Variants in INTS12 observed in about 807,000 individuals in gnomAD.
INTS12 encodes the protein integrator complex subunit 12.
INTS12 carries 13 observed loss-of-function variants against 41.6 expected under a neutral mutation model. That is an observed-to-expected ratio of 0.31 (90% CI 0.20 to 0.50). INTS12 has a LOEUF of 0.50. Among genes scored for constraint, INTS12 ranks in the 20% least tolerant of loss-of-function variants. The pLI, the probability that INTS12 is intolerant of heterozygous loss-of-function variation, is 0.98. For synonymous variants in INTS12, 199 were observed against 191.4 expected, an observed-to-expected ratio of 1.04 and a Z score of -0.33; for missense variants, 432 against 541.6, an observed-to-expected ratio of 0.80 and a Z score of 2.01.
chr4:105,697,114 T>C lies in INTS12; in HGVS notation c.157-1446A>G, dbSNP rs562781327. ...GGGCACAAGGCCTTTATCAGATATA[T>C]GATTTGCAAATATTTTCTCTCAGTC... On this transcript the variant is annotated intron_variant, in intron 3 of 7. Coordinates refer to ENST00000340139, the MANE Select transcript of INTS12 (RefSeq NM_020395.4). 1.1e-4 allele frequency among the ~76,000 whole-genome samples: 16 copies of C among 152,376 alleles called. No individual in the cohort carries two copies. The South Asian group carries it at 3.3e-3, about 32-fold the overall frequency.
intron 6 of INTS12, among the ~76,000 whole-genome samples, chr4:105,690,356 GATTGA>G (rs2149180473): frequency 6.6e-6 from 1 of 152,312 alleles, no homozygotes; most frequent in African/African-American, 2.4e-5. Flanking sequence ...AAGCAAAGTG[GATTGA>G]TAGGAGGCAA....
Position 105,707,443 on chromosome 4 carries a change from A to C in INTS12, c.-172+1195T>G, listed in dbSNP as rs528747517. On this transcript the variant is annotated intron_variant, in intron 1 of 7. Transcript: ENST00000340139. ...TGCAAAGTACAACAAAATAATGGCT[A>C]TAGAATTACTGGAATTAAGTGATCA... Among the ~76,000 whole-genome samples, 12 of 152,154 alleles carry C rather than the reference A, an allele frequency of 7.9e-5. No homozygotes were observed. In the South Asian group the frequency reaches 2.3e-3, roughly 29 times the overall value.
At chr4:105,702,210 A>G (rs1443655733) in intron 2 of INTS12, among the ~76,000 whole-genome samples, 2 of 132,220 alleles carry the variant, frequency 1.5e-5, no homozygotes, top group Non-Finnish European at 3.0e-5. Flanking sequence ...ATCTCGGCTC[A>G]TGGCAAGCTC....
In INTS12 at chr4:105,693,366, A is replaced by G; in HGVS notation, c.430T>C (p.Ser144Pro). 1.2e-6 allele frequency: 2 copies of G among 1,613,942 alleles called. No homozygotes were observed. Among genetic ancestry groups the G allele is most frequent in the Non-Finnish European group, 1.7e-6 (2 of 1,179,858 alleles). Residue 144 changes from serine (S) to proline (P), a missense_variant, in exon 5 of 8, where the codon TCC becomes CCC. Coordinates refer to ENST00000340139, the MANE Select transcript of INTS12 (RefSeq NM_020395.4). Reference sequence around the variant, plus strand: ...TCAGCACTGGTCTCCTCAAAACTGGAAAGGTCAGCCATAGGTAAATCCTTG... The same window carrying G: ...TCAGCACTGGTCTCCTCAAAACTGGGAAGGTCAGCCATAGGTAAATCCTTG... ...SSKDLPMADL[S>P]SFEETSADDF...
chr4:105,692,674 G>T lies in INTS12; in HGVS notation c.498-539C>A, dbSNP rs1392306248. On this transcript the variant is annotated intron_variant, in intron 5 of 7. Coordinates refer to ENST00000340139, the MANE Select transcript of INTS12 (RefSeq NM_020395.4). ...TATATAGAATGCCTTAATTAAATTTGGCTATTTTCTCGTCATTTCTCGTCA... is the reference window on the plus strand; with the variant it reads ...TATATAGAATGCCTTAATTAAATTTTGCTATTTTCTCGTCATTTCTCGTCA... 2.0e-5 allele frequency among the ~76,000 whole-genome samples: 3 copies of T among 151,910 alleles called. No homozygotes were observed. In the East Asian group the frequency reaches 5.8e-4, roughly 29 times the overall value.
chr4:105,693,383 A>G lies in INTS12; in HGVS notation c.413T>C (p.Leu138Ser). 6.2e-7 allele frequency: 1 copy of G among 1,614,120 alleles called. No homozygotes were observed. The highest frequency in any genetic ancestry group is 8.5e-7 in the Non-Finnish European group (1 of 1,179,964). The change falls in exon 5 of 8, where the codon TTA becomes TCA. Residue 138 changes from leucine (L) to serine (S), a missense_variant. Around this residue, in one of 3 missense-constraint regions of INTS12, gnomAD observed 168 missense variants for 198.9 expected, o/e 0.84. Transcript: ENST00000340139. Reference sequence around the variant, plus strand: ...AAAACTGGAAAGGTCAGCCATAGGTAAATCCTTGCTACTTTGGACAGTAAT... The same window carrying G: ...AAAACTGGAAAGGTCAGCCATAGGTGAATCCTTGCTACTTTGGACAGTAAT... ...SPITVQSSKD[L>S]PMADLSSFEE...
intron 6 of INTS12, among the ~76,000 whole-genome samples, chr4:105,691,110 G>A (rs563787636): frequency 2.0e-5 from 3 of 152,184 alleles, no homozygotes; most frequent in South Asian, 2.1e-4. Flanking sequence ...TGGGTATCCC[G>A]AGTTTTTACT....
chr4:105,707,948 A>G, intron 1 of INTS12: 1 of 985,374 alleles, frequency 1.0e-6, no homozygotes, highest in Non-Finnish European at 1.2e-6. Context: ...TCCAAAGTTG[A>G]TCATATGCAC....
intron 2 of INTS12, chr4:105,702,802 C>T (rs1324078077): frequency 1.2e-6 from 1 of 814,858 alleles, no homozygotes; most frequent in African/African-American, 1.9e-5. Context: ...TGTTTCCTCA[C>T]CAAACAGAAA....
At position 105,708,664 on chromosome 4, in the gene INTS12, C is replaced by G. The variant is rs769947222; in HGVS notation, c.-198G>C. ...GTTCCGCCCCGCCCTGCCGATCCGT[C>G]TGTTCCCGGTGGTCCCTTCGGAAAC... On this transcript the variant is annotated 5_prime_UTR_variant, in exon 1 of 8. Transcript: ENST00000340139. The G allele has an allele frequency of 1.1e-6, 1 of 944,150 alleles. No individual in the cohort carries two copies. The highest frequency in any genetic ancestry group is 1.2e-4 in the East Asian group (1 of 8,560). The allele number at this position is 944,150 out of a possible 1,614,324, so 58.5% of individuals were successfully genotyped here. A position where few individuals can be genotyped will look rare whatever the true frequency, so the allele number is the denominator to read the frequency against.
At chr4:105,692,690 T>C (rs1168157964) in intron 5 of INTS12, among the ~76,000 whole-genome samples, 1 of 152,138 alleles carries the variant, frequency 6.6e-6, no homozygotes, top group Non-Finnish European at 1.5e-5. Context: ...TTTCTCGTCA[T>C]TTCTCGTCAT....
At chr4:105,702,389 G>A (rs1449781456) in intron 2 of INTS12, among the ~76,000 whole-genome samples, 1 of 151,946 alleles carries the variant, frequency 6.6e-6, no homozygotes, top group Non-Finnish European at 1.5e-5. Context: ...ACCCGCCTCG[G>A]CCTCCCAAAG....
rs554175627 is a variant in INTS12, at chr4:105,683,293, A to T, written c.829T>A (p.Ser277Thr). Reference protein sequence around the residue: ...VKTSTVISGNSSSASVSSSVT... With the variant: ...VKTSTVISGNTSSASVSSSVT... ...GACGAGGAAACGCTGGCACTAGAAG[A>T]ATTTCCTGAAATAACTGTGGATGTC... The change falls in exon 8 of 8, where the codon TCT becomes ACT. Residue 277 changes from serine to threonine, a missense_variant. By Grantham distance (58) the Ser-to-Thr change is moderately conservative. Around this residue, in one of 3 missense-constraint regions of INTS12, gnomAD observed 258 missense variants for 309.9 expected, o/e 0.83. Transcript: ENST00000340139. The T allele has an allele frequency of 6.2e-7, 1 of 1,611,486 alleles. No individual in the cohort carries two copies. Among genetic ancestry groups the T allele is most frequent in the South Asian group, 1.1e-5 (1 of 90,802 alleles).
rs1349836916 is a variant in INTS12, at chr4:105,686,687, T to C, written c.804+5A>G. On this transcript the variant is annotated splice_donor_5th_base_variant and intron_variant, in intron 7 of 7. Transcript: ENST00000340139. ...AATCTTAGATAAAAATAGAATCTAC[T>C]ATACCTTGACTTCTGTTCTCTTAAA... 1.2e-6 allele frequency: 2 copies of C among 1,603,430 alleles called. No homozygotes were observed. The highest frequency in any genetic ancestry group is 8.5e-7 in the Non-Finnish European group (1 of 1,174,416).
chr4:105,692,776 T>C (rs948297501), intron 5 of INTS12, among the ~76,000 whole-genome samples: 1 of 152,184 alleles, frequency 6.6e-6, no homozygotes, highest in Admixed American at 6.5e-5. Context: ...TGTATCTCCA[T>C]TAAATTCCCT....
chr4:105,689,980 T>G (rs983013916), intron 6 of INTS12, among the ~76,000 whole-genome samples: 6 of 152,248 alleles, frequency 3.9e-5, no homozygotes, highest in Non-Finnish European at 8.8e-5. Flanking sequence ...TGTCCAGTCT[T>G]GAGCTCTGCT....
intron 6 of INTS12, among the ~76,000 whole-genome samples, chr4:105,689,914 A>G (rs1282145229): frequency 6.6e-6 from 1 of 152,174 alleles, no homozygotes; most frequent in Non-Finnish European, 1.5e-5. Flanking sequence ...TCAGAAAAAG[A>G]AAAAAATTAC....
intron 1 of INTS12, chr4:105,708,027 G>C: frequency 1.0e-6 from 1 of 985,338 alleles, no homozygotes. Context: ...TTTCATAATG[G>C]CTCTAAAAAA....
chr4:105,707,834 G>A (rs1037703537), intron 1 of INTS12: 1 of 402,854 alleles, frequency 2.5e-6, no homozygotes, highest in African/African-American at 2.2e-5. Flanking sequence ...ACCTTATAAG[G>A]CTTCTGTGAT....
Sources: allele counts gnomAD v4.1 joint callset (sites outside exome capture counted in the v4.1 genomes callset), GRCh38; gene constraint gnomAD v4.1.1; regional missense constraint gnomAD v4.1.1; transcripts MANE v1.5; gene names NCBI Gene and HGNC (gene_info 2026-07-23, HGNC 2026-07-21).